CSMD3: variants seen among roughly 807,000 people sequenced by gnomAD.
CSMD3 encodes the protein CUB and sushi domain-containing protein 3.
CSMD3 carries 177 observed loss-of-function variants against 435.2 expected under a neutral mutation model. The observed-to-expected ratio is 0.41, with a 90% CI of 0.36 to 0.46. The LOEUF is 0.46. Among genes scored for constraint, CSMD3 ranks in the 20% least tolerant of loss-of-function variants. The pLI is 0.34. For synonymous variants in CSMD3, 1,656 were observed against 1,520.5 expected, an observed-to-expected ratio of 1.09 and a Z score of -2.07; for missense variants, 4,265 against 4,504.6, an observed-to-expected ratio of 0.95 and a Z score of 1.52.
At chr8:112,520,576 G>A (rs1157845853) in intron 27 of CSMD3, among the ~76,000 whole-genome samples, 1 of 151,824 alleles carries the variant, frequency 6.6e-6, no homozygotes, top group African/African-American at 2.4e-5. Flanking sequence ...AAGAAATATA[G>A]AACAATTTGT....
chr8:112,891,942 T>C (rs973320578), intron 10 of CSMD3, among the ~76,000 whole-genome samples: 6 of 151,432 alleles, frequency 4.0e-5, no homozygotes, highest in African/African-American at 1.5e-4. Context: ...TGTGTTATCT[T>C]CAGGGCAGAA....
chr8:112,455,591 GTAAATAAA>G (rs71309770), intron 32 of CSMD3, among the ~76,000 whole-genome samples: 2,846 of 149,594 alleles, frequency 0.019, 56 homozygotes, highest in African/African-American at 0.052. Flanking sequence ...AAATAAGTAA[GTAAATAAA>G]TAAATAAATA....
intron 1 of CSMD3, among the ~76,000 whole-genome samples, chr8:113,419,477 C>T (rs1588694085): frequency 1.3e-5 from 2 of 152,180 alleles, no homozygotes; most frequent in African/African-American, 4.8e-5. Flanking sequence ...CCAACATCAT[C>T]TGGTGATTTT....
rs1272953367 is a variant in CSMD3 at position 112,224,072 on chromosome 8, C to G, written c.*699G>C. On this transcript the variant is annotated 3_prime_UTR_variant, in exon 71 of 71. Transcript: ENST00000297405. Reference sequence around the variant, plus strand: ...AGCTCACTGAATAATACTGGTTACTCCATAATGGGGGAATTGGGAGGGTAG... The same window carrying G: ...AGCTCACTGAATAATACTGGTTACTGCATAATGGGGGAATTGGGAGGGTAG... 6.5e-6 allele frequency: 1 copy of G among 152,680 alleles called. No individual in the cohort carries two copies. The highest frequency in any genetic ancestry group is 1.5e-5 in the Non-Finnish European group (1 of 68,460). The allele number at this position is 152,680 out of a possible 1,614,324, so 9.5% of individuals were successfully genotyped here. A position where few individuals can be genotyped will look rare whatever the true frequency, so the allele number is the denominator to read the frequency against.
chr8:113,295,900 A>G (rs1000391096), intron 2 of CSMD3, among the ~76,000 whole-genome samples: 2 of 152,302 alleles, frequency 1.3e-5, no homozygotes, highest in East Asian at 1.9e-4. Flanking sequence ...ACCTACCCAA[A>G]TGTCCAACAA....
intron 9 of CSMD3, among the ~76,000 whole-genome samples, chr8:112,940,900 G>T (rs889667891): frequency 1.3e-5 from 2 of 151,808 alleles, no homozygotes; most frequent in South Asian, 2.1e-4. Flanking sequence ...ATGCTAAACT[G>T]CAGTTTTGCT....
chr8:112,628,078 G>T (rs1834637281), intron 22 of CSMD3, among the ~76,000 whole-genome samples: 1 of 152,158 alleles, frequency 6.6e-6, no homozygotes, highest in South Asian at 2.1e-4. Flanking sequence ...AAGAATTGAA[G>T]TTCACAGTCC....
chr8:112,565,916 T>C (rs887374389), intron 24 of CSMD3, among the ~76,000 whole-genome samples: 2 of 152,084 alleles, frequency 1.3e-5, no homozygotes, highest in South Asian at 4.1e-4. Flanking sequence ...ATATGAATGA[T>C]AGCAGGAATA....
intron 1 of CSMD3, among the ~76,000 whole-genome samples, chr8:113,428,174 A>G (rs151151251): frequency 1.3e-5 from 2 of 151,692 alleles, no homozygotes; most frequent in Non-Finnish European, 3.0e-5. Context: ...TTACAAAACC[A>G]ATTAAGTTAT....
intron 24 of CSMD3, among the ~76,000 whole-genome samples, chr8:112,558,065 A>G (rs1413239406): frequency 6.6e-6 from 1 of 151,710 alleles, no homozygotes; most frequent in African/African-American, 2.4e-5. Flanking sequence ...AGAACAATAT[A>G]CTCCAAAGTA....
At chr8:113,379,830 A>G (rs1171031009) in intron 1 of CSMD3, among the ~76,000 whole-genome samples, 1 of 152,234 alleles carries the variant, frequency 6.6e-6, no homozygotes, top group Non-Finnish European at 1.5e-5. Context: ...ATCTATAAAT[A>G]TGCATCATTA....
chr8:112,816,086 G>A (rs938124478), intron 12 of CSMD3, among the ~76,000 whole-genome samples: 6 of 152,108 alleles, frequency 3.9e-5, no homozygotes, highest in African/African-American at 7.2e-5. Context: ...ACAGCTCATG[G>A]CATATCTACA....
intron 1 of CSMD3, among the ~76,000 whole-genome samples, chr8:113,398,841 G>A (rs942002537): frequency 6.6e-6 from 1 of 151,620 alleles, no homozygotes; most frequent in African/African-American, 2.4e-5. Context: ...GATCCTAAAA[G>A]AATTGCATAA....
intron 23 of CSMD3, 81 bp from the exon 24 acceptor site, chr8:112,573,738 A>G (rs1829719377): frequency 1.7e-6 from 2 of 1,147,690 alleles, no homozygotes; most frequent in Admixed American, 3.9e-5. Context: ...TATGAAAAAG[A>G]GAAAAGTGTA....
chr8:112,474,515 C>A (rs1021474971), intron 31 of CSMD3, among the ~76,000 whole-genome samples: 1 of 151,998 alleles, frequency 6.6e-6, no homozygotes, highest in African/African-American at 2.4e-5. Context: ...GAAATAAGAT[C>A]AAAAACAAAA....
At chr8:113,108,866 A>G (rs568618559) in intron 4 of CSMD3, among the ~76,000 whole-genome samples, 1 of 152,214 alleles carries the variant, frequency 6.6e-6, no homozygotes, top group Non-Finnish European at 1.5e-5. Context: ...CTGTCTCCCA[A>G]ATTAATCTAT....
At chr8:112,873,890 T>G (rs2081205093) in intron 10 of CSMD3, among the ~76,000 whole-genome samples, 1 of 151,948 alleles carries the variant, frequency 6.6e-6, no homozygotes, top group Non-Finnish European at 1.5e-5. Context: ...TTTTGAAGGG[T>G]TTTTCATATC....
At chr8:112,405,556 G>C (rs1412831003) in intron 35 of CSMD3, among the ~76,000 whole-genome samples, 1 of 151,342 alleles carries the variant, frequency 6.6e-6, no homozygotes, top group Non-Finnish European at 1.5e-5. Flanking sequence ...ATTTTAGATA[G>C]TATACATTCT....
At chr8:112,607,560 C>T (rs534344036) in intron 22 of CSMD3, among the ~76,000 whole-genome samples, 5 of 152,126 alleles carry the variant, frequency 3.3e-5, no homozygotes, top group Non-Finnish European at 7.4e-5. Flanking sequence ...CCATGATGAA[C>T]ATAGATTCAA....
Sources: gnomAD v4.1 joint callset for allele counts (sites outside exome capture counted in the v4.1 genomes callset) on GRCh38, gnomAD v4.1.1 for gene constraint, MANE v1.5 for transcripts, NCBI Gene and HGNC (gene_info 2026-07-23, HGNC 2026-07-21) for gene names.